The following AP4E1 variants were observed in gnomAD, a reference collection of about 807,000 sequenced individuals.
The protein encoded by AP4E1 is AP-4 complex subunit epsilon-1.
Under a neutral mutation model 128.2 loss-of-function variants are expected in AP4E1, and 56 were observed. The ratio of observed to expected loss-of-function variants is 0.44; its 90% CI spans 0.35 to 0.55. The LOEUF (loss-of-function observed/expected upper bound fraction) is 0.55, where lower values mean the gene tolerates loss of function less well. Among genes scored for constraint, AP4E1 ranks in the 20% least tolerant of loss-of-function variants. The probability of loss-of-function intolerance (pLI) is 0.00; values close to 1 mark genes in which losing one functional copy is unlikely to be tolerated. For synonymous variants in AP4E1, 484 were observed against 473.1 expected, an observed-to-expected ratio of 1.02 and a Z score of -0.30; for missense variants, 1,324 against 1,307.7, an observed-to-expected ratio of 1.01 and a Z score of -0.19.
At chr15:50,982,004 G>C (rs756167971) in intron 15 of AP4E1, among the ~76,000 whole-genome samples, 6 of 142,004 alleles carry the variant, frequency 4.2e-5, no homozygotes, top group Non-Finnish European at 7.5e-5. Context: ...AGAATCGCTT[G>C]AACACGGGAG....
chr15:50,961,962 G>GA lies in AP4E1; in HGVS notation c.1851+3178dup, dbSNP rs112691422. Reference sequence around the variant, plus strand: ...AGTAGCATTTCTGTACACCAAGCCAGAAAAAAAAAATCAAGAAAGTAATGC... The same window carrying GA: ...AGTAGCATTTCTGTACACCAAGCCAGAAAAAAAAAAATCAAGAAAGTAATGC... On this transcript the variant is annotated intron_variant, in intron 14 of 20. Transcript: ENST00000261842. Among the ~76,000 whole-genome samples, 58 of 143,480 alleles carry GA rather than the reference G, an allele frequency of 4.0e-4. 2 individuals are homozygous for GA. The highest frequency in any genetic ancestry group is 2.4e-3 in the South Asian group (11 of 4,582). The allele number at this position is 143,480 out of a possible 152,430, so 94.1% of individuals were successfully genotyped here. A position where few individuals can be genotyped will look rare whatever the true frequency, so the allele number is the denominator to read the frequency against.
At chr15:50,945,901 C>T (rs879119644) in intron 10 of AP4E1, 7 of 1,109,074 alleles carry the variant, frequency 6.3e-6, no homozygotes, top group Non-Finnish European at 9.7e-6. Context: ...GAAAGAAGCT[C>T]GTCGAAGAAA....
intron 2 of AP4E1, among the ~76,000 whole-genome samples, chr15:50,915,002 T>G (rs2063612126): frequency 6.6e-6 from 1 of 152,204 alleles, no homozygotes; most frequent in Non-Finnish European, 1.5e-5. Context: ...TTTTCCAATG[T>G]GAAAAATATT....
At chr15:50,933,601 A>T (rs1176637729) in intron 7 of AP4E1, among the ~76,000 whole-genome samples, 1 of 152,136 alleles carries the variant, frequency 6.6e-6, no homozygotes, top group East Asian at 1.9e-4. Flanking sequence ...AGGATTGGTA[A>T]TGTCTGCTGT....
chr15:50,941,814 A>C, intron 10 of AP4E1, 39 bp downstream of exon 10: 1 of 1,499,868 alleles, frequency 6.7e-7, no homozygotes, highest in Non-Finnish European at 9.2e-7. Flanking sequence ...GAAGTGTTAA[A>C]ATTTTTAAAA....
At chr15:50,938,694 C>G (rs1370625801) in intron 8 of AP4E1, among the ~76,000 whole-genome samples, 1 of 152,100 alleles carries the variant, frequency 6.6e-6, no homozygotes, top group Non-Finnish European at 1.5e-5. Flanking sequence ...ACTTCCACTC[C>G]TGATCAGCGA....
chr15:50,965,044 T>C (rs1250111261), intron 14 of AP4E1, among the ~76,000 whole-genome samples: 1 of 151,456 alleles, frequency 6.6e-6, no homozygotes, highest in Non-Finnish European at 1.5e-5. Flanking sequence ...TTGCTTCTGC[T>C]TTACCTTCCT....
At chr15:50,918,655 G>C (rs1210185044) in intron 3 of AP4E1, among the ~76,000 whole-genome samples, 1 of 151,942 alleles carries the variant, frequency 6.6e-6, no homozygotes, top group African/African-American at 2.4e-5. Flanking sequence ...ATTAGTTTCT[G>C]ATTAATCTTT....
intron 1 of AP4E1, among the ~76,000 whole-genome samples, chr15:50,909,603 C>T (rs745484743): frequency 5.9e-5 from 9 of 152,228 alleles, no homozygotes; most frequent in East Asian, 3.8e-4. Context: ...TTTTTATTGA[C>T]GGAGTCTCTC....
chr15:50,908,741 GATCGCGGGCGGCGGCGGC>G lies in AP4E1; in HGVS notation c.-19_-2del, dbSNP rs745897561. 1.3e-4 allele frequency: 192 copies of G among 1,498,978 alleles called. 3 individuals carry two copies. The highest frequency in any genetic ancestry group is 5.8e-4 in the Admixed American group (25 of 43,194). The allele number at this position is 1,498,978 out of a possible 1,614,324, so 92.9% of individuals were successfully genotyped here. A position where few individuals can be genotyped will look rare whatever the true frequency, so the allele number is the denominator to read the frequency against. ...CGGGCATGAAGCCGGGCGGCTACGG[GATCGCGGGCGGCGGCGGC>G]ATCGCGGGCGGCGGCGGCGATGAGC... is the stretch of plus-strand genomic sequence containing the variant. On this transcript the variant is annotated 5_prime_UTR_variant, in exon 1 of 21. Coordinates refer to ENST00000261842, the MANE Select transcript of AP4E1 (RefSeq NM_007347.5).
chr15:50,947,530 G>C (rs1011705713), intron 10 of AP4E1, among the ~76,000 whole-genome samples: 1 of 152,008 alleles, frequency 6.6e-6, no homozygotes, highest in Admixed American at 6.6e-5. Flanking sequence ...AACAAAACCT[G>C]ATTGCCTTCA....
chr15:50,996,065 T>C (rs938890514), intron 17 of AP4E1, among the ~76,000 whole-genome samples: 2 of 144,208 alleles, frequency 1.4e-5, no homozygotes, highest in African/African-American at 5.1e-5. Flanking sequence ...CTCAGCTTAC[T>C]GCAACCTCTG....
intron 13 of AP4E1, among the ~76,000 whole-genome samples, chr15:50,955,178 A>G (rs1324393227): frequency 6.6e-6 from 1 of 152,204 alleles, no homozygotes; most frequent in Non-Finnish European, 1.5e-5. Flanking sequence ...GTGATTTATA[A>G]TCCTTTGGGT....
chr15:50,981,253 A>C (rs560394051), intron 15 of AP4E1, among the ~76,000 whole-genome samples: 2 of 152,180 alleles, frequency 1.3e-5, no homozygotes, highest in African/African-American at 4.8e-5. Context: ...TGAGTGTCCA[A>C]CTCCTGCCCC....
intron 11 of AP4E1, 104 bp from the exon 12 acceptor site, chr15:50,949,722 G>A: frequency 1.2e-6 from 1 of 868,922 alleles, no homozygotes; most frequent in Non-Finnish European, 1.9e-6. Flanking sequence ...AGGTAAAACT[G>A]CCATACTAGG....
At chr15:50,915,807 C>T (rs575029044) in intron 3 of AP4E1, 16 of 499,534 alleles carry the variant, frequency 3.2e-5, no homozygotes, top group African/African-American at 2.5e-4. Flanking sequence ...CTTGTGATGG[C>T]GGTTAGATGA....
At chr15:50,909,039 G>A in intron 1 of AP4E1, 111 bp downstream of exon 1, 2 of 1,490,596 alleles carry the variant, frequency 1.3e-6, no homozygotes, top group Non-Finnish European at 1.8e-6. Context: ...CCCTCCGGCG[G>A]GGCTCAGGGG....
Position 51,003,737 on chromosome 15 carries a change from G to A in AP4E1, c.*1075G>A, listed in dbSNP as rs3825799. ...TTGAGGTTGTACATTAACTGAAATA[G>A]TATTTTATAAAATCTTATGGTGCTG... On this transcript the variant is annotated 3_prime_UTR_variant, in exon 21 of 21. Transcript: ENST00000261842. The A allele has an allele frequency of 0.32, 48,982 of 152,476 alleles. 8,229 individuals carry two copies. Among genetic ancestry groups the A allele is most frequent in the Middle Eastern group, 0.41 (120 of 294 alleles). The allele number at this position is 152,476 out of a possible 1,614,324, so 9.4% of individuals were successfully genotyped here.
intron 3 of AP4E1, among the ~76,000 whole-genome samples, chr15:50,919,874 C>G (rs940619503): frequency 2.6e-5 from 4 of 151,562 alleles, no homozygotes; most frequent in African/African-American, 7.3e-5. Context: ...GTCAGGAGTT[C>G]GAGACCAGCC....
Sources: allele counts gnomAD v4.1 joint callset (sites outside exome capture counted in the v4.1 genomes callset), GRCh38; gene constraint gnomAD v4.1.1; transcripts MANE v1.5; gene names NCBI Gene and HGNC (gene_info 2026-07-23, HGNC 2026-07-21).